The following DNAJC5B variants were observed in gnomAD, a reference collection of about 807,000 sequenced individuals.
DNAJC5B encodes dnaJ homolog subfamily C member 5B.
In DNAJC5B, 23 loss-of-function variants were observed where a neutral mutation model predicts 24.7. The ratio of observed to expected loss-of-function variants is 0.93; its 90% confidence interval spans 0.67 to 1.32. The LOEUF is 1.32. DNAJC5B is among the 40% of genes most tolerant of loss of function. DNAJC5B has a pLI of 0.00. For synonymous variants in DNAJC5B, 101 were observed against 90.1 expected, an observed-to-expected ratio of 1.12 and a Z score of -0.68; for missense variants, 238 against 240.8, an observed-to-expected ratio of 0.99 and a Z score of 0.08.
chr8:66,053,914 C>T (rs2128960225), intron 3 of DNAJC5B, among the ~76,000 whole-genome samples: 1 of 150,954 alleles, frequency 6.6e-6, no homozygotes, highest in South Asian at 2.1e-4. Flanking sequence ...CAGGCGTGAG[C>T]CACCGTGCCT....
At chr8:66,097,959 C>T (rs1010485847) in intron 5 of DNAJC5B, among the ~76,000 whole-genome samples, 3 of 151,880 alleles carry the variant, frequency 2.0e-5, no homozygotes, top group African/African-American at 4.8e-5. Context: ...AAGCGATTCT[C>T]CTGCCCCAGC....
intron 3 of DNAJC5B, among the ~76,000 whole-genome samples, chr8:66,058,309 C>T (rs1563597988): frequency 1.3e-5 from 2 of 152,128 alleles, no homozygotes; most frequent in Non-Finnish European, 2.9e-5. Context: ...CAACTTTTTG[C>T]TTCTCGGAGA....
intron 4 of DNAJC5B, among the ~76,000 whole-genome samples, chr8:66,078,741 T>C (rs900584120): frequency 1.3e-5 from 2 of 152,140 alleles, no homozygotes; most frequent in African/African-American, 4.8e-5. Flanking sequence ...AATGTAAATT[T>C]TCCATAGCAA....
At chr8:66,077,635 G>A (rs41450549) in intron 4 of DNAJC5B, among the ~76,000 whole-genome samples, 2 of 151,930 alleles carry the variant, frequency 1.3e-5, no homozygotes, top group Non-Finnish European at 1.5e-5. Context: ...TTTTGTGGAC[G>A]GTTCACATTC....
chr8:66,059,023 C>A (rs1807026315), intron 3 of DNAJC5B, among the ~76,000 whole-genome samples: 1 of 152,164 alleles, frequency 6.6e-6, no homozygotes, highest in African/African-American at 2.4e-5. Context: ...TGTTTAAAAA[C>A]CATTTATCTA....
At chr8:66,089,012 T>C (rs1807789527) in intron 5 of DNAJC5B, among the ~76,000 whole-genome samples, 1 of 152,186 alleles carries the variant, frequency 6.6e-6, no homozygotes, top group Non-Finnish European at 1.5e-5. Flanking sequence ...CCTGTACCAA[T>C]TTTCTGTATT....
chr8:66,029,079 T>A (rs1328468993), intron 1 of DNAJC5B, among the ~76,000 whole-genome samples: 1 of 152,258 alleles, frequency 6.6e-6, no homozygotes, highest in East Asian at 1.9e-4. Context: ...TCAGCTTTTC[T>A]GATAGTTGAA....
chr8:66,076,333 G>A (rs537706706), intron 3 of DNAJC5B, among the ~76,000 whole-genome samples: 1 of 152,312 alleles, frequency 6.6e-6, no homozygotes, highest in East Asian at 1.9e-4. Context: ...TTAAAGGTCT[G>A]TAGGGGCGGG....
Position 66,054,789 on chromosome 8 carries a change from G to A in DNAJC5B, c.119+3123G>A, listed in dbSNP as rs888255196. Reference sequence around the variant, plus strand: ...TTGCCCTAGACCTATCCAGAGGCGCGTGCCTGGGAGCTGCCCACACCTGTT... The same window carrying A: ...TTGCCCTAGACCTATCCAGAGGCGCATGCCTGGGAGCTGCCCACACCTGTT... On this transcript the variant is annotated intron_variant, in intron 3 of 5. Transcript: ENST00000276570. Among the ~76,000 whole-genome samples, 9 of 152,182 alleles carry A rather than the reference G, an allele frequency of 5.9e-5. No homozygotes were observed. In the South Asian group the frequency reaches 1.0e-3, roughly 18 times the overall value.
intron 3 of DNAJC5B, among the ~76,000 whole-genome samples, chr8:66,070,720 C>G (rs1424169148): frequency 6.6e-6 from 1 of 152,066 alleles, no homozygotes; most frequent in Non-Finnish European, 1.5e-5. Flanking sequence ...CATATGGAAC[C>G]AAAAAAGAGC....
intron 4 of DNAJC5B, among the ~76,000 whole-genome samples, chr8:66,077,749 G>A (rs1257985064): frequency 6.6e-6 from 1 of 152,192 alleles, no homozygotes; most frequent in East Asian, 1.9e-4. Context: ...GCTAAATTGA[G>A]TTTTATGTAT....
chr8:66,077,404 A>G (rs1807492020), intron 4 of DNAJC5B, among the ~76,000 whole-genome samples: 1 of 152,172 alleles, frequency 6.6e-6, no homozygotes, highest in Non-Finnish European at 1.5e-5. Flanking sequence ...AGAGATGGGG[A>G]CAGAGAGCAA....
chr8:66,024,228 G>C (rs1806203434), intron 1 of DNAJC5B, among the ~76,000 whole-genome samples: 1 of 152,126 alleles, frequency 6.6e-6, no homozygotes, highest in South Asian at 2.1e-4. Context: ...GCATAAGAAA[G>C]AGCATTCCAT....
chr8:66,058,937 G>A (rs997633450), intron 3 of DNAJC5B, among the ~76,000 whole-genome samples: 36 of 152,138 alleles, frequency 2.4e-4, no homozygotes, highest in Non-Finnish European at 8.8e-5. Context: ...TTGTGGCAAA[G>A]CACAGTGAAA....
upstream of DNAJC5B, among the ~76,000 whole-genome samples, chr8:66,019,957 T>G (rs1350419399): frequency 1.3e-5 from 2 of 152,226 alleles, no homozygotes; most frequent in African/African-American, 2.4e-5. Context: ...ACCATTTCCC[T>G]AAGATTTTAT....
At chr8:66,041,581 CT>C (rs1806609453) in intron 1 of DNAJC5B, among the ~76,000 whole-genome samples, 1 of 152,176 alleles carries the variant, frequency 6.6e-6, no homozygotes, top group Non-Finnish European at 1.5e-5. Context: ...AGTTTCCTGC[CT>C]CAGAGACAGG....
In DNAJC5B at chr8:66,077,586, A is replaced by G. The variant is rs74656468; in HGVS notation, c.333+713A>G. Among the ~76,000 whole-genome samples, 27 of 152,306 alleles carry G rather than the reference A, an allele frequency of 1.8e-4. No homozygotes were observed. In the East Asian group the frequency reaches 3.7e-3, roughly 21 times the overall value. On this transcript the variant is annotated intron_variant, in intron 4 of 5. Coordinates refer to ENST00000276570, the MANE Select transcript of DNAJC5B (RefSeq NM_033105.6). ...AATATCCTTATCTTCTGATAAAACT[A>G]TGTTTACACATGGGTCATACATGTA... is the stretch of plus-strand genomic sequence containing the variant.
intron 5 of DNAJC5B, among the ~76,000 whole-genome samples, chr8:66,081,033 A>G (rs1807585536): frequency 6.6e-6 from 1 of 152,104 alleles, no homozygotes; most frequent in African/African-American, 2.4e-5. Flanking sequence ...GAACTAGGAG[A>G]GAGAAGTCCT....
intron 3 of DNAJC5B, among the ~76,000 whole-genome samples, chr8:66,073,165 T>C (rs1291936697): frequency 2.6e-5 from 4 of 152,230 alleles, no homozygotes; most frequent in Admixed American, 6.5e-5. Context: ...AATTTGGACA[T>C]GAGCTTGGGA....
Sources: gnomAD v4.1 joint callset for allele counts (sites outside exome capture counted in the v4.1 genomes callset) on GRCh38, gnomAD v4.1.1 for gene constraint, MANE v1.5 for transcripts, NCBI Gene and HGNC (gene_info 2026-07-23, HGNC 2026-07-21) for gene names.